Variants in FAM227B observed in about 807,000 individuals in gnomAD.
FAM227B encodes family with sequence similarity 227 member B.
A neutral mutation model predicts 73.8 loss-of-function variants in FAM227B; 88 were observed. The observed-to-expected ratio is 1.19, with a 90% confidence interval of 1.00 to 1.42. The LOEUF is 1.42. Among genes scored for constraint, FAM227B ranks in the 40% most tolerant of loss-of-function variants. The pLI, the probability that FAM227B is intolerant of heterozygous loss-of-function variation, is 0.00. For synonymous variants in FAM227B, 210 were observed against 190.5 expected, an observed-to-expected ratio of 1.10 and a Z score of -0.84; for missense variants, 632 against 590.9, an observed-to-expected ratio of 1.07 and a Z score of -0.72.
chr15:49,381,417 C>G (rs1567184425), intron 11 of FAM227B, among the ~76,000 whole-genome samples: 1 of 152,072 alleles, frequency 6.6e-6, no homozygotes, highest in Non-Finnish European at 1.5e-5. Context: ...TATCTTGTGA[C>G]AATATAAAAG....
chr15:49,501,444 A>T (rs1263283331), intron 11 of FAM227B, among the ~76,000 whole-genome samples: 7 of 152,212 alleles, frequency 4.6e-5, no homozygotes, highest in Non-Finnish European at 8.8e-5. Flanking sequence ...GGGATCTGTG[A>T]AAGCTTGAAC....
chr15:49,391,419 T>C (rs1311126437), intron 11 of FAM227B, among the ~76,000 whole-genome samples: 1 of 152,094 alleles, frequency 6.6e-6, no homozygotes, highest in East Asian at 1.9e-4. Flanking sequence ...AAGGACAAGA[T>C]GTTTGGTTCC....
intron 11 of FAM227B, among the ~76,000 whole-genome samples, chr15:49,437,177 T>C (rs1444319844): frequency 6.6e-6 from 1 of 151,600 alleles, no homozygotes; most frequent in Non-Finnish European, 1.5e-5. Context: ...ATATTATATA[T>C]TAAATTGTAT....
At chr15:49,492,075 T>C (rs1431377504) in intron 11 of FAM227B, among the ~76,000 whole-genome samples, 1 of 151,886 alleles carries the variant, frequency 6.6e-6, no homozygotes, top group Non-Finnish European at 1.5e-5. Context: ...GTCTGTGTTA[T>C]ATATTGGCAA....
intron 10 of FAM227B, among the ~76,000 whole-genome samples, chr15:49,536,364 G>C (rs2070269382): frequency 1.3e-5 from 2 of 151,776 alleles, no homozygotes. Context: ...ATTTAACTAA[G>C]GAGGTAAAAA....
rs190003079 is a variant in FAM227B, at chr15:49,366,628, C to T, written c.1271+820G>A. The T allele has an allele frequency of 6.3e-4, 999 of 1,584,206 alleles. 11 individuals carry two copies. The East Asian group carries it at 0.019, about 30-fold the overall frequency. On this transcript the variant is annotated intron_variant, in intron 13 of 15. Coordinates refer to ENST00000299338, the MANE Select transcript of FAM227B (RefSeq NM_152647.3). ...CTTCCTGAGCGGCTGTCAGCTGGAGCAGGAAGCCCCAGAGCAGGGCGGCCG... is the reference window on the plus strand; with the variant it reads ...CTTCCTGAGCGGCTGTCAGCTGGAGTAGGAAGCCCCAGAGCAGGGCGGCCG...
intron 10 of FAM227B, among the ~76,000 whole-genome samples, chr15:49,512,458 T>C (rs1044502312): frequency 7.9e-5 from 12 of 152,184 alleles, no homozygotes; most frequent in Non-Finnish European, 1.6e-4. Flanking sequence ...GAATTATTTT[T>C]TGTCCCTTAT....
rs375133423 is a variant in FAM227B, at chr15:49,590,020, T to C, written c.106-13A>G. The C allele has an allele frequency of 3.5e-4, 465 of 1,336,314 alleles. 3 individuals carry two copies. The highest frequency in any genetic ancestry group is 3.6e-4 in the Middle Eastern group (2 of 5,544). 82.8% of individuals were successfully genotyped at this position (1,336,314 alleles called of 1,614,324 possible). Reference sequence around the variant, plus strand: ...TTGGCCAATAATCCTGCAAAAAACGTGAAAGAGAGAATATAGCTTAAGTCA... The same window carrying C: ...TTGGCCAATAATCCTGCAAAAAACGCGAAAGAGAGAATATAGCTTAAGTCA... On this transcript the variant is annotated splice_polypyrimidine_tract_variant and intron_variant, in intron 3 of 15. Coordinates refer to ENST00000299338, the MANE Select transcript of FAM227B (RefSeq NM_152647.3).
At chr15:49,541,947 A>G in intron 9 of FAM227B, 141 bp from the exon 10 acceptor site, 2 of 642,690 alleles carry the variant, frequency 3.1e-6, no homozygotes, top group Non-Finnish European at 4.5e-6. Context: ...AAATTCTAAA[A>G]TCACATTTAT....
intron 11 of FAM227B, among the ~76,000 whole-genome samples, chr15:49,429,407 T>C (rs957185078): frequency 6.6e-6 from 1 of 152,132 alleles, no homozygotes; most frequent in African/African-American, 2.4e-5. Context: ...CTGGCACTTA[T>C]GAAGTGCTAA....
At chr15:49,412,176 G>T (rs2048912136) in intron 11 of FAM227B, among the ~76,000 whole-genome samples, 1 of 151,964 alleles carries the variant, frequency 6.6e-6, no homozygotes, top group Admixed American at 6.6e-5. Context: ...ATCATGTGTA[G>T]CCAAAAAATT....
intron 13 of FAM227B, among the ~76,000 whole-genome samples, chr15:49,338,107 T>C (rs575504642): frequency 3.9e-5 from 6 of 152,348 alleles, no homozygotes; most frequent in Admixed American, 1.3e-4. Context: ...TGTCTTTTAA[T>C]TGGGGGCATT....
At chr15:49,349,276 T>C (rs1436858853) in intron 13 of FAM227B, among the ~76,000 whole-genome samples, 2 of 152,168 alleles carry the variant, frequency 1.3e-5, no homozygotes, top group Non-Finnish European at 2.9e-5. Context: ...AAAACTCCTT[T>C]GTTCATCAAG....
Position 49,433,292 on chromosome 15 carries a change from C to A in FAM227B, c.1013-61893G>T, listed in dbSNP as rs575748234. Among the ~76,000 whole-genome samples the A allele has an allele frequency of 2.0e-5, 3 of 151,678 alleles. No individual in the cohort carries two copies. In the East Asian group the frequency reaches 5.9e-4, roughly 30 times the overall value. On this transcript the variant is annotated intron_variant, in intron 11 of 15. Coordinates refer to ENST00000299338, the MANE Select transcript of FAM227B (RefSeq NM_152647.3). Reference sequence around the variant, plus strand: ...TTTCTGTTTGCATTTGGCACTGTCACTAGAATGTCAGTTCTGAGAAAATAA... The same window carrying A: ...TTTCTGTTTGCATTTGGCACTGTCAATAGAATGTCAGTTCTGAGAAAATAA...
At chr15:49,473,406 C>T (rs936794437) in intron 11 of FAM227B, among the ~76,000 whole-genome samples, 10 of 151,992 alleles carry the variant, frequency 6.6e-5, no homozygotes, top group Non-Finnish European at 1.3e-4. Context: ...CTCCAAAATT[C>T]GCTTTTATTT....
intron 9 of FAM227B, among the ~76,000 whole-genome samples, chr15:49,552,298 T>C (rs1315088232): frequency 6.6e-6 from 1 of 152,226 alleles, no homozygotes; most frequent in African/African-American, 2.4e-5. Flanking sequence ...ACTTTAAATA[T>C]ATCATTCCAT....
At chr15:49,606,911 C>G (rs1407837450) in intron 3 of FAM227B, among the ~76,000 whole-genome samples, 5 of 152,090 alleles carry the variant, frequency 3.3e-5, no homozygotes, top group Non-Finnish European at 5.9e-5. Flanking sequence ...TTTAATATAA[C>G]CAAATAATAG....
At chr15:49,563,186 T>C (rs1370978405) in intron 9 of FAM227B, among the ~76,000 whole-genome samples, 1 of 152,122 alleles carries the variant, frequency 6.6e-6, no homozygotes, top group Non-Finnish European at 1.5e-5. Context: ...TCAGTAGCAT[T>C]TCTATACACC....
At chr15:49,556,529 T>C (rs2073706487) in intron 9 of FAM227B, among the ~76,000 whole-genome samples, 1 of 152,184 alleles carries the variant, frequency 6.6e-6, no homozygotes, top group South Asian at 2.1e-4. Context: ...CAGGGGCCAT[T>C]CTGTTGGAAC....
Sources: allele counts gnomAD v4.1 joint callset (sites outside exome capture counted in the v4.1 genomes callset), GRCh38; gene constraint gnomAD v4.1.1; transcripts MANE v1.5; gene names NCBI Gene and HGNC (gene_info 2026-07-23, HGNC 2026-07-21).